PNPLA6: variants seen among roughly 807,000 people sequenced by gnomAD.
PNPLA6 encodes the protein patatin like domain 6, lysophospholipase.
PNPLA6 carries 105 observed loss-of-function variants against 153.7 expected under a neutral mutation model. The ratio of observed to expected loss-of-function variants is 0.68; its 90% CI spans 0.58 to 0.80. The LOEUF is 0.80. PNPLA6 is among the 30% of genes least tolerant of loss of function. The probability of loss-of-function intolerance (pLI) is 0.00; values close to 1 mark genes in which losing one functional copy is unlikely to be tolerated. For synonymous variants in PNPLA6, 825 were observed against 822.2 expected (o/e 1.00, Z -0.06); for missense variants, 1,423 against 1,919.3 (o/e 0.74, Z 4.83).
rs771531022 is a variant in PNPLA6 at position 7,555,580 on chromosome 19, G to A, written c.2937-27G>A. ...GAGTTCCTGCAGGTGGGGCCTAGCG[G>A]GTCACTGGGGCCCATTTTCCCGGCA... On this transcript the variant is annotated intron_variant, in intron 23 of 31. Coordinates refer to ENST00000600737, the MANE Select transcript of PNPLA6 (RefSeq NM_001166114.2). The surrounding 1 kb of genome is among the most constrained non-coding windows in gnomAD (Gnocchi z 6.3). The A allele has an allele frequency of 9.3e-6, 15 of 1,609,582 alleles. No individual in the cohort carries two copies. In the South Asian group the frequency reaches 1.7e-4, roughly 18 times the overall value.
chr19:7,557,165 C>T lies in PNPLA6; in HGVS notation c.3281-3C>T, dbSNP rs2023917516. On this transcript the variant is annotated splice_region_variant and splice_polypyrimidine_tract_variant and intron_variant, in intron 26 of 31. Transcript: ENST00000600737. The stretch of plus-strand genomic sequence containing the variant: ...GTTTGTGTCTGTGTGTCCCACCGCG[C>T]AGGCTCCCTGTGGCGGTACGTGCGC... 1 of 1,606,472 alleles carries T rather than the reference C, an allele frequency of 6.2e-7. No individual in the cohort carries two copies. Among genetic ancestry groups the T allele is most frequent in the South Asian group, 1.1e-5 (1 of 90,958 alleles).
Position 7,541,121 on chromosome 19 carries a change from A to G in PNPLA6, c.924+70A>G, listed in dbSNP as rs1599274225. ...CTGGCCCCCACCCATTCCAGGCTCC[A>G]AGGGACCGAGGCCCAGCAGCCAGCA... On this transcript the variant is annotated intron_variant, in intron 7 of 31. Transcript: ENST00000600737. The surrounding 1 kb of genome is among the most constrained non-coding windows in gnomAD (Gnocchi z 5.2). The G allele has an allele frequency of 1.3e-6, 2 of 1,508,304 alleles. No homozygotes were observed. The highest frequency in any genetic ancestry group is 1.4e-5 in the African/African-American group (1 of 71,944). 93.4% of individuals were successfully genotyped at this position (1,508,304 alleles called of 1,614,324 possible).
chr19:7,540,003 G>A lies in PNPLA6; in HGVS notation c.499G>A (p.Asp167Asn). 1.9e-6 allele frequency: 3 copies of A among 1,602,004 alleles called. No individual in the cohort carries two copies. In the African/African-American group the frequency reaches 4.0e-5, roughly 21 times the overall value. The change falls in exon 4 of 32, where the codon GAC (aspartate) becomes AAC (asparagine). Residue 167 changes from aspartate to asparagine, a missense_variant. Asp to Asn is a conservative substitution (Grantham distance 23). Coordinates refer to ENST00000600737, the MANE Select transcript of PNPLA6 (RefSeq NM_001166114.2). The surrounding 1 kb of genome is among the most constrained non-coding windows in gnomAD (Gnocchi z 6.8). ...AVLEADLTEGDLANSHLPSEV... is the reference protein window; with the variant it reads ...AVLEADLTEGNLANSHLPSEV... ...GCTAGAAGCTGACCTGACCGAGGGC[G>A]ACCTGGCTAACTCCCATCTGCCCTC...
chr19:7,538,757 T>C (rs2022988029), intron 3 of PNPLA6, among the ~76,000 whole-genome samples: 1 of 152,212 alleles, frequency 6.6e-6, no homozygotes, highest in Non-Finnish European at 1.5e-5. Flanking sequence ...CAGGAATGTT[T>C]ATGTAGAACA....
Position 7,561,717 on chromosome 19 carries a change from A to C in PNPLA6, c.*155A>C. The stretch of plus-strand genomic sequence containing the variant: ...GCCCTGAGCGGGGATGCAGTGTTGC[A>C]CTGATGACTTGACCAGCCCCTCCCC... On this transcript the variant is annotated 3_prime_UTR_variant, in exon 32 of 32. Transcript: ENST00000600737. The C allele has an allele frequency of 1.4e-6, 1 of 705,232 alleles. No homozygotes were observed. Among genetic ancestry groups the C allele is most frequent in the Non-Finnish European group, 2.6e-6 (1 of 387,962 alleles). The allele number at this position is 705,232 out of a possible 1,614,324, so 43.7% of individuals were successfully genotyped here. A position where few individuals can be genotyped will look rare whatever the true frequency, so the allele number is the denominator to read the frequency against.
intron 13 of PNPLA6, among the ~76,000 whole-genome samples, chr19:7,548,395 A>C (rs1599289490): frequency 1.2e-5 from 1 of 86,554 alleles, no homozygotes; most frequent in African/African-American, 4.0e-5. Context: ...AGCTAAAAGA[A>C]AAAAAATCGC....
chr19:7,561,509 C>T lies in PNPLA6; in HGVS notation c.4045C>T (p.Arg1349Trp), dbSNP rs374434303. Residue 1349 changes from arginine (R) to tryptophan (W), a missense_variant, in exon 32 of 32, where the codon CGG becomes TGG. Around this residue, in one of 10 missense-constraint regions of PNPLA6, gnomAD observed 643 missense variants for 835.2 expected, o/e 0.77. Transcript: ENST00000600737. ...GCAGGAGGAGGAGAAGTCGATTCTC[C>T]GGCAACGACGCTGTCTGCCCCAGGA... ...SEMEEEKSILRQRRCLPQEPP... is the reference protein window; with the variant it reads ...SEMEEEKSILWQRRCLPQEPP... 4.1e-5 allele frequency: 66 copies of T among 1,608,576 alleles called. No individual in the cohort carries two copies. Among genetic ancestry groups the T allele is most frequent in the Middle Eastern group, 1.8e-4 (1 of 5,508 alleles).
At chr19:7,554,084 G>A in intron 19 of PNPLA6, 69 bp downstream of exon 19, 2 of 1,603,036 alleles carry the variant, frequency 1.2e-6, no homozygotes, top group African/African-American at 1.3e-5. Flanking sequence ...GAGATGTTAG[G>A]GTAGGTCATT....
At position 7,554,639 on chromosome 19, in the gene PNPLA6, G is replaced by C; in HGVS notation, c.2550G>C (p.Leu850=). The C allele has an allele frequency of 6.2e-7, 1 of 1,614,048 alleles. No individual in the cohort carries two copies. The highest frequency in any genetic ancestry group is 8.5e-7 in the Non-Finnish European group (1 of 1,180,020). ...TACTCTACCAGACGGACGCCTCGCT[G>C]ACGCCCTGGACCGTGCGCTGCCTGC... is the stretch of plus-strand genomic sequence containing the variant. ...RIVLYQTDAS[L]TPWTVRCLRQ... Residue 850 remains leucine, a synonymous_variant, in exon 21 of 32, where the codon CTG becomes CTC. Coordinates refer to ENST00000600737, the MANE Select transcript of PNPLA6 (RefSeq NM_001166114.2).
chr19:7,555,314 G>A lies in PNPLA6; in HGVS notation c.2883G>A (p.Ala961=), dbSNP rs769983574. 2.3e-5 allele frequency: 36 copies of A among 1,581,986 alleles called. No individual in the cohort carries two copies. In the East Asian group the frequency reaches 7.8e-4, roughly 34 times the overall value. ...ADRHSDFSRL[A]RVLTGNTIAL... The stretch of plus-strand genomic sequence containing the variant: ...GGCACAGCGACTTCTCCCGCTTGGC[G>A]AGGGTGCTCACGGGGAACACCATTG... Residue 961 remains alanine, a synonymous_variant, in exon 23 of 32, where the codon GCG becomes GCA. Coordinates refer to ENST00000600737, the MANE Select transcript of PNPLA6 (RefSeq NM_001166114.2). The surrounding 1 kb of genome is among the most constrained non-coding windows in gnomAD (Gnocchi z 6.3).
chr19:7,536,589 A>C, intron 3 of PNPLA6, 43 bp downstream of exon 3: 157 of 1,306,666 alleles, frequency 1.2e-4, no homozygotes, highest in Non-Finnish European at 1.5e-4. Flanking sequence ...GGGTTATCTC[A>C]GGGGCCTTTT....
chr19:7,542,389 C>T (rs2023190823), intron 10 of PNPLA6, 172 bp from the exon 11 acceptor site: 2 of 667,908 alleles, frequency 3.0e-6, no homozygotes, highest in South Asian at 3.3e-5. Context: ...GGCTAGAGTG[C>T]AGTGGTGCTG....
At chr19:7,535,625 G>C, upstream of PNPLA6, 2 of 1,584,754 alleles carry the variant, frequency 1.3e-6, no homozygotes, top group Non-Finnish European at 1.7e-6. The surrounding 1 kb of genome is among the most constrained non-coding windows in gnomAD (Gnocchi z 5.0). Flanking sequence ...GGGGCGCCAA[G>C]AGGACTACAA....
chr19:7,550,687 T>C, intron 16 of PNPLA6, 47 bp downstream of exon 16: 1 of 1,604,112 alleles, frequency 6.2e-7, no homozygotes, highest in South Asian at 1.1e-5. Context: ...TCCAGGCCAG[T>C]CCCTCGACAA....
At chr19:7,560,986 T>G (rs535125797) in intron 29 of PNPLA6, 28 bp from the exon 30 acceptor site, 1 of 1,471,630 alleles carries the variant, frequency 6.8e-7, no homozygotes, top group East Asian at 2.4e-5. Flanking sequence ...GGGCCCCCCC[T>G]AAGAGCCTCA....
At chr19:7,550,821 G>T in intron 16 of PNPLA6, 173 bp from the exon 17 acceptor site, 1 of 941,014 alleles carries the variant, frequency 1.1e-6, no homozygotes, top group South Asian at 1.6e-5. Context: ...GCCTGTCGTG[G>T]ATCCCTGTCC....
chr19:7,555,798 G>A lies in PNPLA6; in HGVS notation c.3093+35G>A, dbSNP rs2023853990. ...GCGAGGAGGGATTGCTGCACCCCAGGAGTGCCATAAAACCCGTGGTTCCAA... is the reference window on the plus strand; with the variant it reads ...GCGAGGAGGGATTGCTGCACCCCAGAAGTGCCATAAAACCCGTGGTTCCAA... On this transcript the variant is annotated intron_variant, in intron 24 of 31. Transcript: ENST00000600737. This position sits in a 1 kb window ranked among gnomAD's most constrained non-coding sequence, Gnocchi z 6.3. 1 of 1,608,718 alleles carries A rather than the reference G, an allele frequency of 6.2e-7. No homozygotes were observed. The highest frequency in any genetic ancestry group is 8.5e-7 in the Non-Finnish European group (1 of 1,178,832).
Position 7,542,011 on chromosome 19 carries a change from A to T in PNPLA6, c.1196A>T (p.Glu399Val). ...GACCCTGTGAAGCCCACATCCCTGG[A>T]AACCCCCTCGGCCCCTCTGCTGAGC... ...TGDPVKPTSL[E>V]TPSAPLLSRC... The change falls in exon 10 of 32, where the codon GAA becomes GTA. Residue 399 changes from glutamate (E) to valine (V), a missense_variant. Glu to Val is a moderately radical substitution (Grantham distance 121, BLOSUM62 -2). Coordinates refer to ENST00000600737, the MANE Select transcript of PNPLA6 (RefSeq NM_001166114.2). 6.2e-7 allele frequency: 1 copy of T among 1,608,500 alleles called. No individual in the cohort carries two copies. The highest frequency in any genetic ancestry group is 8.5e-7 in the Non-Finnish European group (1 of 1,179,902).
chr19:7,543,709 G>A (rs2023257771), intron 13 of PNPLA6, among the ~76,000 whole-genome samples: 1 of 152,216 alleles, frequency 6.6e-6, no homozygotes, highest in South Asian at 2.1e-4. Flanking sequence ...TGTCCCCAGA[G>A]TGTGGCAGAT....
Sources: allele counts gnomAD v4.1 joint callset (sites outside exome capture counted in the v4.1 genomes callset), GRCh38; gene constraint gnomAD v4.1.1; regional missense constraint gnomAD v4.1.1; non-coding constraint Gnocchi (gnomAD v3.1); transcripts MANE v1.5; gene names NCBI Gene and HGNC (gene_info 2026-07-23, HGNC 2026-07-21).